Variants in HYCC2 observed in about 807,000 individuals in gnomAD.
HYCC2 encodes hyccin 2.
chr2:201,070,745 G>A, the HYCC2 span, among the ~76,000 whole-genome samples: 1 of 152,042 alleles, frequency 6.6e-6, no homozygotes, highest in Non-Finnish European at 1.5e-5. Context: ...GGGGAGGAAG[G>A]GATCTACCAA....
At chr2:201,014,034 C>CT in the HYCC2 span, among the ~76,000 whole-genome samples, 3 of 152,074 alleles carry the variant, frequency 2.0e-5, no homozygotes, top group African/African-American at 7.2e-5. Flanking sequence ...AGTCCAAAGC[C>CT]TAGGGTTACA....
At chr2:201,036,557 G>C in the HYCC2 span, among the ~76,000 whole-genome samples, 1 of 152,100 alleles carries the variant, frequency 6.6e-6, no homozygotes, top group African/African-American at 2.4e-5. Context: ...ATGATCAAGT[G>C]GGCTTCATCC....
At chr2:201,008,453 T>C in the HYCC2 span, among the ~76,000 whole-genome samples, 1 of 152,196 alleles carries the variant, frequency 6.6e-6, no homozygotes, top group African/African-American at 2.4e-5. Context: ...TATAGTTAAC[T>C]ACTAAGTGTA....
chr2:200,991,290 T>C, the HYCC2 span, among the ~76,000 whole-genome samples: 1 of 151,994 alleles, frequency 6.6e-6, no homozygotes, highest in South Asian at 2.1e-4. Flanking sequence ...TTCAACATAG[T>C]GAAACTCCAT....
At chr2:201,021,926 C>A in the HYCC2 span, 1 of 421,998 alleles carries the variant, frequency 2.4e-6, no homozygotes, top group South Asian at 1.8e-5. Context: ...CAAATAGCAA[C>A]AGATGCAAGT....
the HYCC2 span, chr2:201,022,786 A>G: frequency 8.1e-7 from 1 of 1,236,980 alleles, no homozygotes; most frequent in Non-Finnish European, 1.2e-6. Context: ...TGGTATACAT[A>G]TTTCATTTCA....
chr2:200,997,380 A>T, the HYCC2 span: 3 of 1,179,870 alleles, frequency 2.5e-6, no homozygotes, highest in South Asian at 3.8e-5. Context: ...TGCTTGGCTT[A>T]GAGAATGTGC....
the HYCC2 span, chr2:200,979,535 A>T: frequency 6.6e-6 from 1 of 152,628 alleles, no homozygotes; most frequent in East Asian, 1.9e-4. Flanking sequence ...TGTGAAAAAA[A>T]AAAAGGCGTT....
the HYCC2 span, chr2:200,976,178 T>G: frequency 6.6e-6 from 1 of 152,140 alleles, no homozygotes; most frequent in African/African-American, 2.4e-5. Context: ...ATGACAATAA[T>G]CTTCAACTTG....
chr2:201,026,397 C>G, the HYCC2 span, among the ~76,000 whole-genome samples: 1 of 152,154 alleles, frequency 6.6e-6, no homozygotes, highest in African/African-American at 2.4e-5. Context: ...CAATATTAGA[C>G]AGATCAATGA....
chr2:201,003,262 A>G, the HYCC2 span, among the ~76,000 whole-genome samples: 1 of 152,144 alleles, frequency 6.6e-6, no homozygotes, highest in African/African-American at 2.4e-5. Flanking sequence ...TATACTGTCC[A>G]GGCTGTTCTT....
the HYCC2 span, among the ~76,000 whole-genome samples, chr2:201,065,756 CATATT>C: frequency 6.6e-6 from 1 of 152,238 alleles, no homozygotes; most frequent in Admixed American, 6.5e-5. Context: ...CACTTTTAAA[CATATT>C]ATAGTTGAAG....
At chr2:201,031,588 T>C in the HYCC2 span, among the ~76,000 whole-genome samples, 20 of 152,022 alleles carry the variant, frequency 1.3e-4, no homozygotes, top group African/African-American at 4.8e-4. Context: ...GAAGCGGAGG[T>C]TGCGGTGAGC....
the HYCC2 span, chr2:201,023,796 CAATTACAGAAA>C: frequency 2.6e-4 from 138 of 538,094 alleles, 2 homozygotes; most frequent in East Asian, 2.6e-3. Context: ...TTAAGAACTG[CAATTACAGAAA>C]CACGTTATTT....
At chr2:200,977,235 A>C in the HYCC2 span, 1 of 152,184 alleles carries the variant, frequency 6.6e-6, no homozygotes, top group Admixed American at 6.5e-5. Flanking sequence ...AGAACTATAA[A>C]GAAACTGCAA....
the HYCC2 span, among the ~76,000 whole-genome samples, chr2:201,001,329 A>G: frequency 1.3e-5 from 2 of 152,158 alleles, no homozygotes; most frequent in African/African-American, 4.8e-5. Context: ...ATACATTTCT[A>G]TCGTTTATAT....
At chr2:201,044,834 T>C in the HYCC2 span, among the ~76,000 whole-genome samples, 2 of 152,172 alleles carry the variant, frequency 1.3e-5, no homozygotes, top group Non-Finnish European at 2.9e-5. Flanking sequence ...GCACTGTGAA[T>C]ACCAATTACA....
At chr2:201,001,261 G>A in the HYCC2 span, among the ~76,000 whole-genome samples, 7 of 151,996 alleles carry the variant, frequency 4.6e-5, no homozygotes, top group African/African-American at 1.7e-4. Context: ...GCCCTTACTA[G>A]ACACTGAATC....
At chr2:201,019,342 C>T in the HYCC2 span, among the ~76,000 whole-genome samples, 1 of 152,138 alleles carries the variant, frequency 6.6e-6, no homozygotes, top group South Asian at 2.1e-4. Flanking sequence ...TAACTAAGCA[C>T]AGTGAAGAAA....
Sources: gnomAD v4.1 joint callset for allele counts (sites outside exome capture counted in the v4.1 genomes callset) on GRCh38, gnomAD v4.1.1 for gene constraint, MANE v1.5 for transcripts, NCBI Gene and HGNC (gene_info 2026-07-23, HGNC 2026-07-21) for gene names.